NOX4: variants seen among roughly 807,000 people sequenced by gnomAD.
NOX4 encodes the protein kidney oxidase-1.
In NOX4, 69 loss-of-function variants were observed where a neutral mutation model predicts 87.6. The ratio of observed to expected loss-of-function variants is 0.79; its 90% CI spans 0.65 to 0.96. The LOEUF (loss-of-function observed/expected upper bound fraction) is 0.96, where lower values mean the gene tolerates loss of function less well. Among genes scored for constraint, NOX4 ranks in the 40% least tolerant of loss-of-function variants. The pLI is 0.00. For missense variants in NOX4, 680 were observed against 681.5 expected, an observed-to-expected ratio of 1.00 and a Z score of 0.02; for synonymous variants, 275 against 238.2, an observed-to-expected ratio of 1.15 and a Z score of -1.42.
intron 2 of NOX4, among the ~76,000 whole-genome samples, chr11:89,468,560 T>C (rs974726885): frequency 2.0e-5 from 3 of 152,126 alleles, no homozygotes; most frequent in Admixed American, 6.5e-5. Context: ...AACATATAGG[T>C]TTTCTTCACA....
At chr11:89,481,094 A>T (rs1438685270) in intron 2 of NOX4, among the ~76,000 whole-genome samples, 1 of 152,052 alleles carries the variant, frequency 6.6e-6, no homozygotes, top group Non-Finnish European at 1.5e-5. Context: ...ATACAACCTC[A>T]TCATCAAACA....
intron 8 of NOX4, among the ~76,000 whole-genome samples, chr11:89,415,951 G>A (rs755594694): frequency 3.3e-5 from 5 of 152,112 alleles, no homozygotes; most frequent in Admixed American, 6.6e-5. Flanking sequence ...AACCTACAGT[G>A]TGTATTATTT....
Position 89,497,561 on chromosome 11 carries a change from C to A in NOX4, c.-115+436G>T, listed in dbSNP as rs12276146. Among the ~76,000 whole-genome samples, 4 of 151,978 alleles carry A rather than the reference C, an allele frequency of 2.6e-5. No homozygotes were observed. In the South Asian group the frequency reaches 8.3e-4, roughly 32 times the overall value. On this transcript the variant is annotated intron_variant, in intron 1 of 18. Transcript: ENST00000527956. ...TTTAGTTACAGAAAGGAAATTAAAG[C>A]CTTTTTCTCAGCTCATTGAGCTCAC...
chr11:89,536,426 G>A, the NOX4 span, among the ~76,000 whole-genome samples: 2 of 152,128 alleles, frequency 1.3e-5, no homozygotes, highest in South Asian at 4.1e-4. Flanking sequence ...GATTACAGGC[G>A]TGAGCCACCT....
At chr11:89,588,228 A>G in the NOX4 span, among the ~76,000 whole-genome samples, 145 of 152,350 alleles carry the variant, frequency 9.5e-4, no homozygotes, top group African/African-American at 3.4e-3. Context: ...TTATGTTCAT[A>G]GCAAAGAACA....
At chr11:89,491,120 C>T (rs1946833876) in intron 1 of NOX4, 70 bp downstream of exon 1, 1 of 1,457,510 alleles carries the variant, frequency 6.9e-7, no homozygotes, top group Non-Finnish European at 9.5e-7. Context: ...CACCCGTGCA[C>T]GCTCAGAGAA....
intron 15 of NOX4, among the ~76,000 whole-genome samples, chr11:89,339,486 G>C (rs2135380734): frequency 6.6e-6 from 1 of 152,246 alleles, no homozygotes; most frequent in East Asian, 1.9e-4. Context: ...TTTGTAGCAA[G>C]GATACATATG....
intron 11 of NOX4, among the ~76,000 whole-genome samples, chr11:89,388,357 A>G (rs1255271389): frequency 6.6e-6 from 1 of 152,034 alleles, no homozygotes; most frequent in African/African-American, 2.4e-5. Context: ...CCACAGAACA[A>G]AGCTTCCTTG....
chr11:89,573,510 C>T, the NOX4 span, among the ~76,000 whole-genome samples: 16 of 152,138 alleles, frequency 1.1e-4, no homozygotes, highest in Admixed American at 4.6e-4. Context: ...ATGACTCAAA[C>T]TTTTAATAGC....
At chr11:89,380,334 C>T (rs2135091391) in intron 11 of NOX4, among the ~76,000 whole-genome samples, 1 of 152,200 alleles carries the variant, frequency 6.6e-6, no homozygotes, top group Non-Finnish European at 1.5e-5. Context: ...GTATTAAGAG[C>T]TGCTTATTGG....
chr11:89,508,976 A>G, the NOX4 span, among the ~76,000 whole-genome samples: 1 of 152,068 alleles, frequency 6.6e-6, no homozygotes, highest in Admixed American at 6.6e-5. Context: ...CCTATTATTC[A>G]GGAAACATAA....
intron 2 of NOX4, among the ~76,000 whole-genome samples, chr11:89,466,117 T>TAAG (rs1945682266): frequency 6.6e-6 from 1 of 152,200 alleles, no homozygotes; most frequent in Non-Finnish European, 1.5e-5. Flanking sequence ...CTATTGACAC[T>TAAG]GTAGTCTTGC....
intron 8 of NOX4, among the ~76,000 whole-genome samples, chr11:89,412,728 A>G (rs548313444): frequency 7.2e-5 from 11 of 152,234 alleles, no homozygotes; most frequent in Admixed American, 3.9e-4. Context: ...TGAAACCTCT[A>G]AAAGAAAACA....
chr11:89,438,476 C>T lies in NOX4; in HGVS notation c.475+2212G>A, dbSNP rs1357371923. Among the ~76,000 whole-genome samples the T allele has an allele frequency of 7.6e-3, 583 of 77,098 alleles. 25 individuals carry two copies. Among genetic ancestry groups the T allele is most frequent in the African/African-American group, 0.042 (557 of 13,302 alleles). The allele number at this position is 77,098 out of a possible 152,430, so 50.6% of individuals were successfully genotyped here. On this transcript the variant is annotated intron_variant, in intron 6 of 17. Transcript: ENST00000263317. Reference sequence around the variant, plus strand: ...TAATATACAGCATATATATTATATACTATATATACTATATAATATACAGCA... The same window carrying T: ...TAATATACAGCATATATATTATATATTATATATACTATATAATATACAGCA...
chr11:89,498,991 A>T (rs1041474570), upstream of NOX4: 2 of 153,826 alleles, frequency 1.3e-5, no homozygotes, highest in South Asian at 4.1e-4. Flanking sequence ...GAAGCACTAC[A>T]GTATAAGGCT....
chr11:89,416,069 A>G (rs1303560167), intron 8 of NOX4, among the ~76,000 whole-genome samples: 2 of 152,128 alleles, frequency 1.3e-5, no homozygotes, highest in Non-Finnish European at 1.5e-5. Context: ...AGCCTCTCTT[A>G]AAACTTTCCC....
At position 89,391,921 on chromosome 11, in the gene NOX4, T is replaced by TCCCTTC. The variant is rs569323281; in HGVS notation, c.1074+8090_1074+8095dup. 4.7e-3 allele frequency among the ~76,000 whole-genome samples: 702 copies of TCCCTTC among 149,874 alleles called. 5 individuals are homozygous for TCCCTTC. Among genetic ancestry groups the TCCCTTC allele is most frequent in the African/African-American group, 0.012 (483 of 40,222 alleles). ...TCATTCTCTCCTTCCTTTTTCCTTT[T>TCCCTTC]CCCTTCCCCTTCCCCTTCCCCTTCC... On this transcript the variant is annotated intron_variant, in intron 11 of 17. Coordinates refer to ENST00000263317, the MANE Select transcript of NOX4 (RefSeq NM_016931.5).
intron 8 of NOX4, among the ~76,000 whole-genome samples, chr11:89,407,317 G>C (rs1348666242): frequency 3.9e-5 from 6 of 152,102 alleles, no homozygotes; most frequent in South Asian, 4.1e-4. Context: ...ATGGTAAACA[G>C]AGAGTCTTGC....
the NOX4 span, among the ~76,000 whole-genome samples, chr11:89,572,915 T>C: frequency 6.6e-6 from 1 of 152,160 alleles, no homozygotes; most frequent in African/African-American, 2.4e-5. Flanking sequence ...TATGTAGTCT[T>C]ATACTTTATA....
Sources: gnomAD v4.1 joint callset for allele counts (sites outside exome capture counted in the v4.1 genomes callset) on GRCh38, gnomAD v4.1.1 for gene constraint, MANE v1.5 for transcripts, NCBI Gene and HGNC (gene_info 2026-07-23, HGNC 2026-07-21) for gene names.